The following ZNF420 variants were observed in gnomAD, a reference collection of about 807,000 sequenced individuals.
The protein encoded by ZNF420 is zinc finger protein 420.
In ZNF420, 31 loss-of-function variants were observed where a neutral mutation model predicts 44.7. That is an observed-to-expected ratio of 0.69 (90% CI 0.52 to 0.94). The LOEUF is 0.94. Among genes scored for constraint, ZNF420 ranks in the 40% least tolerant of loss-of-function variants. The probability of loss-of-function intolerance (pLI) is 0.00; values close to 1 mark genes in which losing one functional copy is unlikely to be tolerated. For missense variants in ZNF420, 681 were observed against 827.9 expected (o/e 0.82, Z 2.18); for synonymous variants, 245 against 267.4 (o/e 0.92, Z 0.82).
At chr19:37,011,984 C>T (rs2074572934) in intron 1 of ZNF420, among the ~76,000 whole-genome samples, 1 of 152,194 alleles carries the variant, frequency 6.6e-6, no homozygotes, top group African/African-American at 2.4e-5. Context: ...CGACACCACG[C>T]CTTGAGGCTC....
At chr19:37,121,847 G>T (rs1971061818) in intron 4 of ZNF420, among the ~76,000 whole-genome samples, 1 of 152,170 alleles carries the variant, frequency 6.6e-6, no homozygotes, top group Non-Finnish European at 1.5e-5. Context: ...CATTTATGCA[G>T]CCAAAAAACA....
chr19:37,090,941 A>G (rs1264631652), intron 3 of ZNF420, 54 bp from the exon 4 acceptor site: 15 of 1,578,680 alleles, frequency 9.5e-6, no homozygotes, highest in Middle Eastern at 1.7e-4. Context: ...AAGAAAGAAA[A>G]AAAGAAAAGC....
chr19:37,042,835 G>A (rs974243400), intron 1 of ZNF420, among the ~76,000 whole-genome samples: 24 of 152,196 alleles, frequency 1.6e-4, no homozygotes, highest in South Asian at 6.2e-4. Context: ...AAGCCTAATC[G>A]TTTCTTGGTG....
chr19:37,024,128 T>G (rs1187691515), intron 1 of ZNF420, among the ~76,000 whole-genome samples: 3 of 152,108 alleles, frequency 2.0e-5, no homozygotes, highest in Non-Finnish European at 4.4e-5. Context: ...ACAACCCCTT[T>G]TATAACCCAG....
intron 1 of ZNF420, among the ~76,000 whole-genome samples, chr19:37,052,549 C>T (rs975799454): frequency 1.1e-4 from 17 of 152,176 alleles, no homozygotes; most frequent in Non-Finnish European, 2.2e-4. Flanking sequence ...TCTTTTAGGG[C>T]AGGCCTGCTG....
intron 1 of ZNF420, among the ~76,000 whole-genome samples, chr19:37,036,344 C>T (rs767647223): frequency 1.3e-5 from 2 of 152,072 alleles, no homozygotes; most frequent in Non-Finnish European, 2.9e-5. Flanking sequence ...ATCACATGTA[C>T]CCTAGAAATA....
chr19:37,047,092 G>C (rs964890801), intron 1 of ZNF420, among the ~76,000 whole-genome samples: 1 of 151,658 alleles, frequency 6.6e-6, no homozygotes. Context: ...TGTATGCTAT[G>C]AGCCAACGAT....
intron 1 of ZNF420, among the ~76,000 whole-genome samples, chr19:37,044,593 C>G (rs545914534): frequency 6.6e-6 from 1 of 152,112 alleles, no homozygotes; most frequent in African/African-American, 2.4e-5. Context: ...AGGCCGGGTG[C>G]GGTGGCTCAT....
intron 1 of ZNF420, among the ~76,000 whole-genome samples, chr19:37,057,203 C>T (rs55918926): frequency 0.044 from 6,640 of 152,266 alleles, 206 homozygotes; most frequent in South Asian, 0.083. Context: ...ACCAGGGTGA[C>T]AAAACCACAG....
At chr19:37,025,275 GT>G in intron 1 of ZNF420, 1 of 257,786 alleles carries the variant, frequency 3.9e-6, no homozygotes, top group Non-Finnish European at 7.8e-6. Flanking sequence ...GCTGAAGGGT[GT>G]TTTCCTTGTT....
At chr19:37,021,094 T>G (rs1219183001) in intron 1 of ZNF420, among the ~76,000 whole-genome samples, 1 of 152,168 alleles carries the variant, frequency 6.6e-6, no homozygotes, top group South Asian at 2.1e-4. Flanking sequence ...GCCAAAATCA[T>G]GAGCAAAAGA....
At position 37,130,099 on chromosome 19, in the gene ZNF420, AT is replaced by A; in HGVS notation, c.*1046del. 6.5e-7 allele frequency: 1 copy of A among 1,550,366 alleles called. No homozygotes were observed. Among genetic ancestry groups the A allele is most frequent in the Non-Finnish European group, 8.7e-7 (1 of 1,146,916 alleles). On this transcript the variant is annotated 3_prime_UTR_variant, in exon 5 of 5. Coordinates refer to ENST00000337995, the MANE Select transcript of ZNF420 (RefSeq NM_144689.5). ...TATGAGTAGGAGATTTACGAAATCCATTTTTCCTGTCTTTTTTTCCGTGCCT... is the reference window on the plus strand; with the variant it reads ...TATGAGTAGGAGATTTACGAAATCCATTTTCCTGTCTTTTTTTCCGTGCCT...
At chr19:37,056,248 C>T (rs1967752078) in intron 1 of ZNF420, among the ~76,000 whole-genome samples, 1 of 152,112 alleles carries the variant, frequency 6.6e-6, no homozygotes, top group Non-Finnish European at 1.5e-5. Flanking sequence ...TGACAGGCAT[C>T]CCAAAATGTG....
intron 1 of ZNF420, among the ~76,000 whole-genome samples, chr19:37,022,129 T>A (rs2074654764): frequency 1.3e-5 from 2 of 151,602 alleles, no homozygotes; most frequent in African/African-American, 4.8e-5. Context: ...TGTATTTAGA[T>A]GTAGAAAATT....
At chr19:37,034,250 G>C (rs1447416657) in intron 1 of ZNF420, among the ~76,000 whole-genome samples, 2 of 151,984 alleles carry the variant, frequency 1.3e-5, no homozygotes, top group Non-Finnish European at 2.9e-5. Context: ...GTTTTGATTT[G>C]CATTTCCTTA....
intron 1 of ZNF420, among the ~76,000 whole-genome samples, chr19:37,072,839 C>T (rs2146456810): frequency 6.6e-6 from 1 of 151,326 alleles, no homozygotes; most frequent in Non-Finnish European, 1.5e-5. Flanking sequence ...GTCATTATTT[C>T]AAAATACTAA....
chr19:37,065,883 G>C lies in ZNF420; in HGVS notation c.-124-14462G>C, dbSNP rs1967959492. Reference sequence around the variant, plus strand: ...TCAATAAATGGCACTAGAACAACTTGATATCCATACAGAAAAAGAAATAAA... The same window carrying C: ...TCAATAAATGGCACTAGAACAACTTCATATCCATACAGAAAAAGAAATAAA... On this transcript the variant is annotated intron_variant, in intron 1 of 4. Coordinates refer to the ZNF420 transcript ENST00000587029. Among the ~76,000 whole-genome samples, 3 of 152,092 alleles carry C rather than the reference G, an allele frequency of 2.0e-5. No individual in the cohort carries two copies. In the South Asian group the frequency reaches 6.2e-4, roughly 32 times the overall value.
intron 4 of ZNF420, among the ~76,000 whole-genome samples, chr19:37,125,426 A>T (rs572729055): frequency 3.9e-5 from 6 of 152,280 alleles, no homozygotes; most frequent in Non-Finnish European, 7.4e-5. Flanking sequence ...TTTAGTATGG[A>T]GGTGCTTTTG....
intron 1 of ZNF420, among the ~76,000 whole-genome samples, chr19:37,025,479 G>C (rs1326207436): frequency 6.6e-6 from 1 of 151,970 alleles, no homozygotes; most frequent in African/African-American, 2.4e-5. Flanking sequence ...AGACAACCAG[G>C]TAGCAACAGA....
Sources: allele counts gnomAD v4.1 joint callset (sites outside exome capture counted in the v4.1 genomes callset), GRCh38; gene constraint gnomAD v4.1.1; transcripts MANE v1.5; gene names NCBI Gene and HGNC (gene_info 2026-07-23, HGNC 2026-07-21).